The following SLC25A26 variants were observed in gnomAD, a reference collection of about 807,000 sequenced individuals.
The protein encoded by SLC25A26 is mitochondrial S-adenosylmethionine carrier protein.
SLC25A26 carries 36 observed loss-of-function variants against 37.8 expected under a neutral mutation model. The ratio of observed to expected loss-of-function variants is 0.95; its 90% CI spans 0.73 to 1.26. SLC25A26 has a LOEUF of 1.26. SLC25A26 is among the 50% of genes most tolerant of loss of function. The pLI is 0.00. For missense variants in SLC25A26, 390 were observed against 331.1 expected (o/e 1.18, Z -1.38); for synonymous variants, 129 against 122.5 (o/e 1.05, Z -0.35).
At chr3:66,158,340 T>G (rs559456832) in intron 1 of SLC25A26, among the ~76,000 whole-genome samples, 105 of 152,358 alleles carry the variant, frequency 6.9e-4, no homozygotes, top group African/African-American at 2.5e-3. Context: ...ACCATTTTAT[T>G]TACCTGTTCA....
At chr3:66,341,208 C>CT (rs978052109) in intron 5 of SLC25A26, among the ~76,000 whole-genome samples, 4 of 152,084 alleles carry the variant, frequency 2.6e-5, no homozygotes, top group Admixed American at 6.6e-5. Flanking sequence ...TGATATTAGC[C>CT]ATACATTGTT....
At chr3:66,240,832 G>A (rs1421465167) in intron 2 of SLC25A26, among the ~76,000 whole-genome samples, 10 of 145,620 alleles carry the variant, frequency 6.9e-5, no homozygotes, top group East Asian at 6.2e-4. Flanking sequence ...TGCAAGCTCC[G>A]CCTCCTGGGT....
chr3:66,263,378 A>G lies in SLC25A26; in HGVS notation c.452A>G (p.Glu151Gly). 1 of 1,605,530 alleles carries G rather than the reference A, an allele frequency of 6.2e-7. No homozygotes were observed. Among genetic ancestry groups the G allele is most frequent in the Non-Finnish European group, 8.5e-7 (1 of 1,173,314 alleles). ...GGCTATAAAAGCACAGTTTTAAGAGAGGTAAGTCACTTACTTTCCAATATT... is the reference window on the plus strand; with the variant it reads ...GGCTATAAAAGCACAGTTTTAAGAGGGGTAAGTCACTTACTTTCCAATATT... The part of the protein sequence containing the change: ...YRGYKSTVLR[E>G]IPFSLVQFPL... Residue 151 changes from glutamate to glycine, a missense_variant and splice_region_variant, in exon 5 of 10, where the codon GAG (glutamate) becomes GGG (glycine). Coordinates refer to ENST00000354883, the MANE Select transcript of SLC25A26 (RefSeq NM_001379210.1).
At chr3:66,166,547 G>C (rs1227787619) in intron 1 of SLC25A26, among the ~76,000 whole-genome samples, 1 of 152,182 alleles carries the variant, frequency 6.6e-6, no homozygotes, top group Non-Finnish European at 1.5e-5. Flanking sequence ...TGGAATGGAA[G>C]GCTTAATCTT....
At chr3:66,274,906 T>C (rs1457752123) in intron 5 of SLC25A26, among the ~76,000 whole-genome samples, 1 of 152,076 alleles carries the variant, frequency 6.6e-6, no homozygotes, top group East Asian at 1.9e-4. Flanking sequence ...ACTAGGTATA[T>C]ACCCAAAGGA....
In SLC25A26 at chr3:66,254,218, A is replaced by G. The variant is rs72901276; in HGVS notation, c.301-7833A>G. On this transcript the variant is annotated intron_variant, in intron 3 of 9. Coordinates refer to ENST00000354883, the MANE Select transcript of SLC25A26 (RefSeq NM_001379210.1). ...CAGCTGTAATTCCATTTATCAACAG[A>G]AGATGGCAGACTTGACACACAAATG... Among the ~76,000 whole-genome samples, 837 of 152,330 alleles carry G rather than the reference A, an allele frequency of 5.5e-3. 7 individuals carry two copies. Among genetic ancestry groups the G allele is most frequent in the African/African-American group, 0.018 (752 of 41,570 alleles).
chr3:66,208,890 C>A (rs1416870974), intron 1 of SLC25A26, among the ~76,000 whole-genome samples: 15 of 23,248 alleles, frequency 6.5e-4, no homozygotes, highest in Non-Finnish European at 1.0e-3. Context: ...ATATATACAC[C>A]TTTATATGGG....
rs567726777 is a variant in SLC25A26, at chr3:66,309,245, G to T, written c.454-37119G>T. On this transcript the variant is annotated intron_variant, in intron 5 of 9. Transcript: ENST00000354883. ...TTCTTCCTGGTTTAGTCTTGGGAGG[G>T]TGTATGTGTCCAGGAATTTATCCAT... is the stretch of plus-strand genomic sequence containing the variant. Among the ~76,000 whole-genome samples, 15 of 152,066 alleles carry T rather than the reference G, an allele frequency of 9.9e-5. No homozygotes were observed. In the South Asian group the frequency reaches 2.5e-3, roughly 25 times the overall value.
chr3:66,226,108 G>A (rs1424129151), intron 1 of SLC25A26, among the ~76,000 whole-genome samples: 2 of 152,074 alleles, frequency 1.3e-5, no homozygotes, highest in Non-Finnish European at 2.9e-5. Context: ...TCCTGTATTA[G>A]TCTGTTCTCA....
chr3:66,324,112 G>A (rs769769681), intron 5 of SLC25A26: 3 of 147,568 alleles, frequency 2.0e-5, no homozygotes, highest in African/African-American at 2.6e-5. Flanking sequence ...GTGAATAGCC[G>A]TTACACTCCA....
upstream of SLC25A26, among the ~76,000 whole-genome samples, chr3:66,219,448 G>A (rs933366271): frequency 1.1e-3 from 168 of 152,248 alleles, 1 homozygote; most frequent in Non-Finnish European, 1.9e-3. Context: ...GATTATCCTG[G>A]GTAGGCCTGA....
chr3:66,238,126 A>G (rs1359238198), intron 2 of SLC25A26, among the ~76,000 whole-genome samples: 1 of 152,188 alleles, frequency 6.6e-6, no homozygotes, highest in Non-Finnish European at 1.5e-5. Flanking sequence ...TGAGAGGGGC[A>G]TGGGTTCCCC....
chr3:66,274,778 T>C (rs2074076935), intron 5 of SLC25A26, among the ~76,000 whole-genome samples: 2 of 151,946 alleles, frequency 1.3e-5, no homozygotes, highest in South Asian at 2.1e-4. Flanking sequence ...TGTGGAGAAA[T>C]AGGAACACTT....
intron 5 of SLC25A26, among the ~76,000 whole-genome samples, chr3:66,315,550 A>T (rs761458586): frequency 6.6e-6 from 1 of 152,026 alleles, no homozygotes; most frequent in African/African-American, 2.4e-5. Context: ...TTGTGCGATC[A>T]GTTTTAGAGT....
At chr3:66,351,582 C>T (rs1452630224) in intron 6 of SLC25A26, among the ~76,000 whole-genome samples, 1 of 152,142 alleles carries the variant, frequency 6.6e-6, no homozygotes, top group African/African-American at 2.4e-5. Context: ...CAAGCCCCTT[C>T]CTCTGAGTGG....
At chr3:66,279,149 G>C (rs955724034) in intron 5 of SLC25A26, among the ~76,000 whole-genome samples, 1 of 151,976 alleles carries the variant, frequency 6.6e-6, no homozygotes, top group Non-Finnish European at 1.5e-5. Flanking sequence ...TGCCTTTTCT[G>C]TATGAAAAAG....
intron 1 of SLC25A26, among the ~76,000 whole-genome samples, chr3:66,151,718 T>C (rs2070212227): frequency 6.8e-6 from 1 of 147,588 alleles, no homozygotes; most frequent in Non-Finnish European, 1.5e-5. Flanking sequence ...AACACACCCT[T>C]CTGGTCTTCC....
chr3:66,192,546 A>G (rs1467583715), intron 1 of SLC25A26, among the ~76,000 whole-genome samples: 4 of 152,144 alleles, frequency 2.6e-5, no homozygotes. Flanking sequence ...ATAGCAGCCC[A>G]ATTGACTAAC....
chr3:66,262,213 C>A, intron 4 of SLC25A26, 58 bp downstream of exon 4: 1 of 872,588 alleles, frequency 1.1e-6, no homozygotes, highest in Non-Finnish European at 1.8e-6. Flanking sequence ...GTAGCTAATA[C>A]GAACACTGTG....
Sources: gnomAD v4.1 joint callset for allele counts (sites outside exome capture counted in the v4.1 genomes callset) on GRCh38, gnomAD v4.1.1 for gene constraint, MANE v1.5 for transcripts, NCBI Gene and HGNC (gene_info 2026-07-23, HGNC 2026-07-21) for gene names.